The following PRUNE2 variants were observed in gnomAD, a reference collection of about 807,000 sequenced individuals.
PRUNE2 encodes protein prune homolog 2.
A neutral mutation model predicts 252.0 loss-of-function variants in PRUNE2; 164 were observed. The ratio of observed to expected loss-of-function variants is 0.65; its 90% CI spans 0.57 to 0.74. PRUNE2 has a LOEUF of 0.74. Ranked by LOEUF, PRUNE2 falls within the 30% of genes least tolerant of loss-of-function variation. The pLI is 0.00. For missense variants in PRUNE2, 3,495 were observed against 3,711.0 expected, an observed-to-expected ratio of 0.94 and a Z score of 1.51; for synonymous variants, 1,292 against 1,350.2, an observed-to-expected ratio of 0.96 and a Z score of 0.94.
intron 6 of PRUNE2, among the ~76,000 whole-genome samples, chr9:76,809,491 A>G (rs1331867339): frequency 6.6e-6 from 1 of 152,188 alleles, no homozygotes; most frequent in Non-Finnish European, 1.5e-5. Context: ...AGGTCAAGAA[A>G]TCGAGACCAT....
intron 13 of PRUNE2, 70 bp from the exon 14 acceptor site, chr9:76,637,619 A>C (rs953422011): frequency 7.1e-7 from 1 of 1,399,384 alleles, no homozygotes; most frequent in African/African-American, 1.4e-5. Flanking sequence ...ACATAACATC[A>C]AAAGTACAGG....
intron 1 of PRUNE2, among the ~76,000 whole-genome samples, chr9:76,883,228 T>C (rs779383440): frequency 6.6e-5 from 10 of 152,190 alleles, no homozygotes; most frequent in Non-Finnish European, 1.3e-4. Flanking sequence ...AGAAAGCCAG[T>C]GTCAGTTGCA....
At chr9:76,632,083 T>C (rs1391155130) in intron 15 of PRUNE2, among the ~76,000 whole-genome samples, 1 of 152,234 alleles carries the variant, frequency 6.6e-6, no homozygotes, top group Non-Finnish European at 1.5e-5. Flanking sequence ...TCTTTGCTAT[T>C]GTGAATAGTG....
intron 6 of PRUNE2, among the ~76,000 whole-genome samples, chr9:76,773,605 G>A (rs1049573547): frequency 2.0e-5 from 3 of 152,062 alleles, no homozygotes; most frequent in Non-Finnish European, 4.4e-5. Flanking sequence ...CAGCAAGCCA[G>A]GCTAATTTTT....
intron 1 of PRUNE2, among the ~76,000 whole-genome samples, chr9:76,873,799 A>G (rs2061346592): frequency 6.6e-6 from 1 of 152,210 alleles, no homozygotes; most frequent in Admixed American, 6.5e-5. Flanking sequence ...GGTTAAGGAA[A>G]AGTACTCCAT....
rs1202360139 is a variant in PRUNE2 at position 76,702,791 on chromosome 9, C to T, written c.8276+546G>A. Among the ~76,000 whole-genome samples the T allele has an allele frequency of 2.6e-5, 4 of 152,118 alleles. No homozygotes were observed. The East Asian group carries it at 5.8e-4, about 22-fold the overall frequency. On this transcript the variant is annotated intron_variant, in intron 9 of 18. Coordinates refer to ENST00000376718, the MANE Select transcript of PRUNE2 (RefSeq NM_015225.3). ...CTTGTATTTGAAAATATGAAAATGCCTCTGTATGCTAAGCGGTGTGTCAAC... is the reference window on the plus strand; with the variant it reads ...CTTGTATTTGAAAATATGAAAATGCTTCTGTATGCTAAGCGGTGTGTCAAC...
intron 5 of PRUNE2, among the ~76,000 whole-genome samples, chr9:76,825,414 T>C (rs1290773423): frequency 6.6e-6 from 1 of 152,152 alleles, no homozygotes; most frequent in East Asian, 1.9e-4. Context: ...TAAGCTCTGG[T>C]TTCCCATGGA....
intron 6 of PRUNE2, among the ~76,000 whole-genome samples, chr9:76,733,378 G>GATTCATTC (rs34956717): frequency 1.2e-3 from 173 of 149,028 alleles, no homozygotes; most frequent in Middle Eastern, 3.4e-3. Context: ...ATAAACCACA[G>GATTCATTC]ATTCATTCAT....
intron 4 of PRUNE2, among the ~76,000 whole-genome samples, chr9:76,837,356 T>G (rs574828696): frequency 7.2e-5 from 11 of 151,780 alleles, no homozygotes; most frequent in South Asian, 2.1e-4. Context: ...GCAGGAGAAT[T>G]GCTTGAACCC....
intron 6 of PRUNE2, among the ~76,000 whole-genome samples, chr9:76,797,447 T>C (rs964638684): frequency 1.3e-5 from 2 of 152,112 alleles, no homozygotes; most frequent in African/African-American, 4.8e-5. Flanking sequence ...TACCAGATAA[T>C]ATAATTATAT....
intron 9 of PRUNE2, among the ~76,000 whole-genome samples, chr9:76,693,439 CTTTT>C (rs550030416): frequency 0.52 from 56,732 of 108,148 alleles, 14,855 homozygotes; most frequent in Middle Eastern, 0.69. Context: ...AGCACCTACT[CTTTT>C]TTTTTTTTTT....
Position 76,716,473 on chromosome 9 carries a change from C to A in PRUNE2, c.757-2752G>T, listed in dbSNP as rs1222949102. ...TACAAACCAGTCCTTTGGACTCTCT[C>A]AGCACTGTCACAGGACTTGTACTGA... is the stretch of plus-strand genomic sequence containing the variant. On this transcript the variant is annotated intron_variant, in intron 6 of 18. Coordinates refer to ENST00000376718, the MANE Select transcript of PRUNE2 (RefSeq NM_015225.3). Among the ~76,000 whole-genome samples the A allele has an allele frequency of 3.3e-5, 5 of 152,232 alleles. No homozygotes were observed. In the East Asian group the frequency reaches 9.6e-4, roughly 29 times the overall value.
chr9:76,811,875 C>T (rs1162733493), intron 6 of PRUNE2, among the ~76,000 whole-genome samples: 1 of 152,038 alleles, frequency 6.6e-6, no homozygotes, highest in Non-Finnish European at 1.5e-5. Context: ...ACCTGCATTA[C>T]GAAGTTACTA....
intron 1 of PRUNE2, among the ~76,000 whole-genome samples, chr9:76,873,350 C>G (rs1021055318): frequency 6.6e-6 from 1 of 152,118 alleles, no homozygotes; most frequent in Non-Finnish European, 1.5e-5. Context: ...TTAAAAGAAG[C>G]CTTGTATATA....
chr9:76,728,418 G>T (rs532176528), intron 6 of PRUNE2, among the ~76,000 whole-genome samples: 2 of 152,288 alleles, frequency 1.3e-5, no homozygotes, highest in Admixed American at 1.3e-4. Context: ...GCTTAAGGGT[G>T]AGGCCTGGGT....
chr9:76,667,960 CGTAGGGGGA>C (rs2040521655), intron 9 of PRUNE2, among the ~76,000 whole-genome samples: 2 of 152,092 alleles, frequency 1.3e-5, no homozygotes, highest in Admixed American at 6.5e-5. Flanking sequence ...TGGTGGGTAG[CGTAGGGGGA>C]GGTTTGACAA....
At chr9:76,671,447 G>T (rs2041457699) in intron 9 of PRUNE2, among the ~76,000 whole-genome samples, 1 of 151,030 alleles carries the variant, frequency 6.6e-6, no homozygotes, top group East Asian at 1.9e-4. Flanking sequence ...TGAAAGTGAT[G>T]GGGAGAATGG....
In PRUNE2 at chr9:76,624,447, CT is replaced by C; in HGVS notation, c.9188+4del. ...GCCAGCCGCTAAACGAAAACCAAGT[CT>C]TACTTAGCTGCCTCTGATGCTTCCC... is the stretch of plus-strand genomic sequence containing the variant. On this transcript the variant is annotated splice_donor_region_variant and intron_variant, in intron 17 of 18. Transcript: ENST00000376718. 7.0e-7 allele frequency: 1 copy of C among 1,420,286 alleles called. No homozygotes were observed. Among genetic ancestry groups the C allele is most frequent in the South Asian group, 1.7e-5 (1 of 57,658 alleles). 88.0% of individuals were successfully genotyped at this position (1,420,286 alleles called of 1,614,324 possible).
intron 1 of PRUNE2, among the ~76,000 whole-genome samples, chr9:76,884,608 A>G (rs2061982223): frequency 6.6e-6 from 1 of 152,004 alleles, no homozygotes; most frequent in Admixed American, 6.6e-5. Context: ...TTGTTCCCCA[A>G]CTTTCCACTG....
Sources: gnomAD v4.1 joint callset for allele counts (sites outside exome capture counted in the v4.1 genomes callset) on GRCh38, gnomAD v4.1.1 for gene constraint, MANE v1.5 for transcripts, NCBI Gene and HGNC (gene_info 2026-07-23, HGNC 2026-07-21) for gene names.